The following PDGFRL variants were observed in gnomAD, a reference collection of about 807,000 sequenced individuals.
The protein encoded by PDGFRL is platelet derived growth factor receptor like, also known as platelet-derived growth factor receptor-like protein.
PDGFRL carries 46 observed loss-of-function variants against 37.2 expected under a neutral mutation model. The observed-to-expected ratio is 1.24, with a 90% CI of 0.98 to 1.58. PDGFRL has a LOEUF of 1.58. PDGFRL is among the 40% of genes most tolerant of loss of function. PDGFRL has a pLI of 0.00. For synonymous variants in PDGFRL, 251 were observed against 184.3 expected, an observed-to-expected ratio of 1.36 and a Z score of -2.93; for missense variants, 692 against 467.6, an observed-to-expected ratio of 1.48 and a Z score of -4.43.
chr8:17,626,667 C>T (rs528893703), intron 3 of PDGFRL, among the ~76,000 whole-genome samples: 1 of 152,296 alleles, frequency 6.6e-6, no homozygotes, highest in South Asian at 2.1e-4. Context: ...CTGAAGATTT[C>T]TCTTTGCAAA....
At chr8:17,622,921 G>A (rs1804661342) in intron 3 of PDGFRL, among the ~76,000 whole-genome samples, 1 of 152,116 alleles carries the variant, frequency 6.6e-6, no homozygotes. Flanking sequence ...CTGCATGTGT[G>A]TTAAGGGATG....
chr8:17,625,678 T>G (rs528598178), intron 3 of PDGFRL, among the ~76,000 whole-genome samples: 1 of 152,200 alleles, frequency 6.6e-6, no homozygotes, highest in South Asian at 2.1e-4. Flanking sequence ...GTATAAGAAG[T>G]AAAGTATATA....
chr8:17,604,673 C>A (rs1585312580), intron 2 of PDGFRL, among the ~76,000 whole-genome samples: 1 of 152,012 alleles, frequency 6.6e-6, no homozygotes, highest in South Asian at 2.1e-4. Flanking sequence ...CAGCATGGCA[C>A]ATGTATACAT....
chr8:17,590,236 C>CAAAAAAAAAAAAAAAAAAAAAAAAA (rs770779669), intron 2 of PDGFRL, among the ~76,000 whole-genome samples: 578 of 35,550 alleles, frequency 0.016, 96 homozygotes, highest in East Asian at 0.05. Flanking sequence ...GACTCCATCT[C>CAAAAAAAAAAAAAAAAAAAAAAAAA]AAAAAAAAAA....
At chr8:17,619,088 T>C (rs1804583793) in intron 2 of PDGFRL, among the ~76,000 whole-genome samples, 2 of 152,182 alleles carry the variant, frequency 1.3e-5, no homozygotes, top group South Asian at 4.1e-4. Context: ...ATTTTCCCTA[T>C]GCTAAATGTA....
rs553160161 is a variant in PDGFRL, at chr8:17,634,973, GTTTT to G, written c.939+766_939+769del. ...TATACCCCTGAACCTAAAATAAAAGGTTTTTTTTTAAAAAAAAGGACATTGGGAG... is the reference window on the plus strand; with the variant it reads ...TATACCCCTGAACCTAAAATAAAAGGTTTTTAAAAAAAAGGACATTGGGAG... On this transcript the variant is annotated intron_variant, in intron 5 of 5. Transcript: ENST00000251630. Among the ~76,000 whole-genome samples, 141 of 117,272 alleles carry G rather than the reference GTTTT, an allele frequency of 1.2e-3. 2 individuals are homozygous for G. The highest frequency in any genetic ancestry group is 4.9e-3 in the African/African-American group (112 of 22,654). The allele number at this position is 117,272 out of a possible 152,430, so 76.9% of individuals were successfully genotyped here. A position where few individuals can be genotyped will look rare whatever the true frequency, so the allele number is the denominator to read the frequency against.
At chr8:17,609,435 A>T (rs1804356040) in intron 2 of PDGFRL, among the ~76,000 whole-genome samples, 1 of 151,400 alleles carries the variant, frequency 6.6e-6, no homozygotes, top group Non-Finnish European at 1.5e-5. Context: ...AGATTGCACC[A>T]CTGCACTCCG....
chr8:17,594,172 C>G (rs540697038), intron 2 of PDGFRL, among the ~76,000 whole-genome samples: 4 of 151,710 alleles, frequency 2.6e-5, no homozygotes, highest in African/African-American at 9.6e-5. Context: ...CCTCAAAGTT[C>G]TTTGATGTTG....
At position 17,642,865 on chromosome 8, in the gene PDGFRL, T is replaced by C; in HGVS notation, c.*64T>C. 1.9e-6 allele frequency: 2 copies of C among 1,059,842 alleles called. No individual in the cohort carries two copies. The highest frequency in any genetic ancestry group is 2.9e-6 in the Non-Finnish European group (2 of 701,306). The allele number at this position is 1,059,842 out of a possible 1,614,324, so 65.7% of individuals were successfully genotyped here. A position where few individuals can be genotyped will look rare whatever the true frequency, so the allele number is the denominator to read the frequency against. ...TTTGTGTACACAGTCAGCTTTGGGGTTCCTTTTATTAGTGCTTTGCCAGAG... is the reference window on the plus strand; with the variant it reads ...TTTGTGTACACAGTCAGCTTTGGGGCTCCTTTTATTAGTGCTTTGCCAGAG... On this transcript the variant is annotated 3_prime_UTR_variant, in exon 6 of 6. Coordinates refer to ENST00000251630, the MANE Select transcript of PDGFRL (RefSeq NM_001372073.1).
At chr8:17,577,147 T>TC, upstream of PDGFRL, 4 of 1,346,040 alleles carry the variant, frequency 3.0e-6, no homozygotes, top group Non-Finnish European at 3.9e-6. Flanking sequence ...AACCGAATCC[T>TC]CCCGCTTCGG....
intron 1 of PDGFRL, among the ~76,000 whole-genome samples, chr8:17,578,456 C>G (rs994902129): frequency 2.6e-5 from 4 of 152,180 alleles, no homozygotes; most frequent in African/African-American, 9.7e-5. Context: ...CTTAATAAAA[C>G]GTAGGCAGAG....
At chr8:17,625,116 A>C in intron 3 of PDGFRL, among the ~76,000 whole-genome samples, 1 of 145,252 alleles carries the variant, frequency 6.9e-6, no homozygotes, top group African/African-American at 2.5e-5. Flanking sequence ...CATTAGGTAT[A>C]TCTCCTAAAG....
intron 2 of PDGFRL, among the ~76,000 whole-genome samples, chr8:17,603,971 G>A (rs1183166453): frequency 2.6e-5 from 4 of 152,122 alleles, no homozygotes; most frequent in African/African-American, 9.7e-5. Flanking sequence ...ATGAAGGGCA[G>A]GTGGGTAAGA....
chr8:17,586,844 C>T (rs1803829432), intron 1 of PDGFRL, among the ~76,000 whole-genome samples: 1 of 152,130 alleles, frequency 6.6e-6, no homozygotes, highest in African/African-American at 2.4e-5. Context: ...GTCACACAGC[C>T]AGTAAGTGGC....
intron 2 of PDGFRL, among the ~76,000 whole-genome samples, chr8:17,613,880 AAAT>A (rs951509706): frequency 3.3e-5 from 5 of 152,198 alleles, no homozygotes; most frequent in Non-Finnish European, 7.3e-5. Context: ...GCTACCTTAA[AAAT>A]AATAATAAGA....
intron 4 of PDGFRL, among the ~76,000 whole-genome samples, chr8:17,631,555 C>G (rs925585169): frequency 1.3e-5 from 2 of 152,238 alleles, no homozygotes; most frequent in East Asian, 3.9e-4. Context: ...ACCACTCTTC[C>G]CCACTAGAAC....
rs751572918 is a variant in PDGFRL, at chr8:17,577,312, G to C, written c.55+5G>C. ...TGCACGAAGCGCTGGAGGATGGTGA[G>C]TGACTCTGGGCGCGGGGCCACCTAG... is the stretch of plus-strand genomic sequence containing the variant. On this transcript the variant is annotated splice_donor_5th_base_variant and intron_variant, in intron 1 of 5. Transcript: ENST00000251630. The C allele has an allele frequency of 3.7e-5, 60 of 1,611,544 alleles. No individual in the cohort carries two copies. The highest frequency in any genetic ancestry group is 4.8e-5 in the Non-Finnish European group (57 of 1,178,844).
intron 2 of PDGFRL, among the ~76,000 whole-genome samples, chr8:17,613,147 T>C (rs768636915): frequency 6.6e-6 from 1 of 152,168 alleles, no homozygotes; most frequent in Admixed American, 6.5e-5. Context: ...GTAGCTAACA[T>C]CTAGGTAGCA....
chr8:17,600,027 C>A (rs1360472087), intron 2 of PDGFRL, among the ~76,000 whole-genome samples: 1 of 152,154 alleles, frequency 6.6e-6, no homozygotes, highest in Non-Finnish European at 1.5e-5. Flanking sequence ...CTGCCTTGAC[C>A]CCCATGCACC....
Sources: gnomAD v4.1 joint callset for allele counts (sites outside exome capture counted in the v4.1 genomes callset) on GRCh38, gnomAD v4.1.1 for gene constraint, MANE v1.5 for transcripts, NCBI Gene and HGNC (gene_info 2026-07-23, HGNC 2026-07-21) for gene names.